Variants in CEP126 observed in about 807,000 individuals in gnomAD.
CEP126 encodes the protein centrosomal protein of 126 kDa.
In CEP126, 74 loss-of-function variants were observed where a neutral mutation model predicts 107.8. The observed-to-expected ratio is 0.69, with a 90% CI of 0.57 to 0.83. The LOEUF (loss-of-function observed/expected upper bound fraction) is 0.83. Among genes scored for constraint, CEP126 ranks in the 40% least tolerant of loss-of-function variants. CEP126 has a pLI of 0.00. For synonymous variants in CEP126, 449 were observed against 446.0 expected (o/e 1.01, Z -0.08); for missense variants, 1,237 against 1,281.9 (o/e 0.96, Z 0.53).
chr11:101,985,021 C>G (rs1292817242), intron 8 of CEP126, among the ~76,000 whole-genome samples: 6 of 152,258 alleles, frequency 3.9e-5, no homozygotes, highest in African/African-American at 1.2e-4. Context: ...GTGAAGGATA[C>G]ATCTTATTTT....
At chr11:101,931,751 G>A (rs1940503551) in intron 2 of CEP126, among the ~76,000 whole-genome samples, 1 of 152,132 alleles carries the variant, frequency 6.6e-6, no homozygotes, top group African/African-American at 2.4e-5. Flanking sequence ...TCAGTTCTAT[G>A]TTTGTCTCCT....
chr11:101,959,796 A>C (rs922970998), intron 5 of CEP126, among the ~76,000 whole-genome samples: 3 of 152,224 alleles, frequency 2.0e-5, no homozygotes, highest in African/African-American at 7.2e-5. Context: ...TCATTGCAGA[A>C]CAAAAGATTA....
At chr11:101,990,170 A>G (rs1941361535) in intron 9 of CEP126, among the ~76,000 whole-genome samples, 1 of 98,432 alleles carries the variant, frequency 1.0e-5, no homozygotes, top group African/African-American at 3.9e-5. Context: ...GGAACCTCAC[A>G]CCTACTCAGA....
At chr11:101,984,816 G>A (rs543488901) in intron 8 of CEP126, among the ~76,000 whole-genome samples, 11 of 152,258 alleles carry the variant, frequency 7.2e-5, no homozygotes, top group African/African-American at 2.4e-4. Context: ...TTGTGCCTCA[G>A]CTGCTTCTGA....
chr11:101,927,947 T>A (rs955436277), intron 2 of CEP126, among the ~76,000 whole-genome samples: 1 of 152,210 alleles, frequency 6.6e-6, no homozygotes, highest in Admixed American at 6.5e-5. Flanking sequence ...ATATGGTAGT[T>A]GCCCATTTAG....
rs1244636325 is a variant in CEP126 at position 101,922,726 on chromosome 11, C to T, written c.214C>T (p.Arg72Cys). 13 of 1,612,316 alleles carry T rather than the reference C, an allele frequency of 8.1e-6. No individual in the cohort carries two copies. The highest frequency in any genetic ancestry group is 3.3e-5 in the Admixed American group (2 of 59,960). Residue 72 changes from arginine (R) to cysteine (C), a missense_variant, in exon 2 of 11, where the codon CGT becomes TGT. Physicochemically the swap from Arg to Cys is radical, Grantham distance 180. Around this residue, in one of 3 missense-constraint regions of CEP126, gnomAD observed 1,134 missense variants for 1,150.5 expected, o/e 0.99. Transcript: ENST00000263468. ...ACAAAAAATATGTCGAAATCGAGCACGTAAATATTTTGTGGAGTCAAATCG... is the reference window on the plus strand; with the variant it reads ...ACAAAAAATATGTCGAAATCGAGCATGTAAATATTTTGTGGAGTCAAATCG... The part of the protein sequence containing the change: ...QQQKICRNRA[R>C]KYFVESNRRK...
In CEP126 at chr11:101,982,100, A is replaced by T. The variant is rs1941262676; in HGVS notation, c.3034+136A>T. ...AAACCTGAACTCTCCTCACCCCTGC[A>T]CATCCAGGTCATTGTCAGTGTTCCT... On this transcript the variant is annotated intron_variant, in intron 8 of 10. Coordinates refer to ENST00000263468, the MANE Select transcript of CEP126 (RefSeq NM_020802.4). The T allele has an allele frequency of 2.2e-5, 11 of 508,964 alleles. No individual in the cohort carries two copies. In the East Asian group the frequency reaches 3.6e-4, roughly 17 times the overall value. 31.5% of individuals were successfully genotyped at this position (508,964 alleles called of 1,614,324 possible). A position where few individuals can be genotyped will look rare whatever the true frequency, so the allele number is the denominator to read the frequency against.
chr11:101,962,958 C>G lies in CEP126; in HGVS notation c.1923C>G (p.Asn641Lys). The change falls in exon 6 of 11, where the codon AAC (asparagine) becomes AAG (lysine). Residue 641 changes from asparagine to lysine, a missense_variant. Asn to Lys is a moderately conservative substitution (Grantham distance 94). This residue lies in a region of CEP126 where 1,134 missense variants were observed against 1,150.5 expected (regional missense o/e 0.99). Transcript: ENST00000263468. ...TTGATGAAACTAGCAATATAGAAAA[C>G]AATGCTGAAAACAGTCATTCACTGA... ...RWFDETSNIENNAENSHSLKN... is the reference protein window; with the variant it reads ...RWFDETSNIEKNAENSHSLKN... 1 of 1,610,664 alleles carries G rather than the reference C, an allele frequency of 6.2e-7. No homozygotes were observed. The highest frequency in any genetic ancestry group is 1.3e-5 in the African/African-American group (1 of 74,780).
intron 6 of CEP126, among the ~76,000 whole-genome samples, chr11:101,965,374 T>C (rs904124076): frequency 6.6e-6 from 1 of 152,210 alleles, no homozygotes; most frequent in African/African-American, 2.4e-5. Flanking sequence ...GACATTTGTG[T>C]AATTCATCAC....
In CEP126 at chr11:101,915,265, A is replaced by T. The variant is rs368939235; in HGVS notation, c.-20A>T. 2 of 1,612,806 alleles carry T rather than the reference A, an allele frequency of 1.2e-6. No individual in the cohort carries two copies. The highest frequency in any genetic ancestry group is 2.7e-5 in the African/African-American group (2 of 75,060). ...AGGGAGGTTCTGGGGGCGAGCAGAC[A>T]GGCGGCGCTGAAGTGAAGGATGCTG... On this transcript the variant is annotated 5_prime_UTR_variant, in exon 1 of 11. Transcript: ENST00000263468.
chr11:101,948,856 A>T (rs1308417218), intron 4 of CEP126, among the ~76,000 whole-genome samples: 8 of 152,200 alleles, frequency 5.3e-5, no homozygotes. Context: ...ATAATATATA[A>T]AATTCATTTA....
chr11:101,968,776 G>T (rs903629798), intron 6 of CEP126, among the ~76,000 whole-genome samples: 9 of 152,116 alleles, frequency 5.9e-5, no homozygotes, highest in African/African-American at 1.7e-4. Context: ...TCAATTGAGA[G>T]AAATTTTGTA....
intron 5 of CEP126, among the ~76,000 whole-genome samples, chr11:101,959,452 C>T (rs1304810214): frequency 6.6e-6 from 1 of 152,062 alleles, no homozygotes; most frequent in Non-Finnish European, 1.5e-5. Context: ...CATGCCTGGC[C>T]AACACTTTCT....
In CEP126 at chr11:101,963,693, C is replaced by G. The variant is rs774738402; in HGVS notation, c.2658C>G (p.Phe886Leu). ...ATTGTTCTTCAGAGTGCCAAACTTTCGCAAAAATAAATCATTCAAATGGCA... is the reference window on the plus strand; with the variant it reads ...ATTGTTCTTCAGAGTGCCAAACTTTGGCAAAAATAAATCATTCAAATGGCA... ...PSYCSSECQT[F>L]AKINHSNGTQ... The change falls in exon 6 of 11, where the codon TTC becomes TTG. Residue 886 changes from phenylalanine (F) to leucine (L), a missense_variant. Physicochemically the swap from Phe to Leu is conservative, Grantham distance 22. This residue lies in a region of CEP126 where 1,134 missense variants were observed against 1,150.5 expected (regional missense o/e 0.99). Coordinates refer to ENST00000263468, the MANE Select transcript of CEP126 (RefSeq NM_020802.4). The G allele has an allele frequency of 6.2e-7, 1 of 1,613,910 alleles. No homozygotes were observed. The highest frequency in any genetic ancestry group is 1.3e-5 in the African/African-American group (1 of 74,888).
intron 6 of CEP126, among the ~76,000 whole-genome samples, chr11:101,967,448 T>A (rs1312321596): frequency 1.3e-5 from 2 of 152,216 alleles, no homozygotes; most frequent in Non-Finnish European, 2.9e-5. Context: ...TGCCTTCTTC[T>A]AAGTAGCAGA....
chr11:101,923,512 A>G (rs1940363429), intron 2 of CEP126, among the ~76,000 whole-genome samples: 1 of 152,200 alleles, frequency 6.6e-6, no homozygotes, highest in Non-Finnish European at 1.5e-5. Context: ...TTTATTAACT[A>G]CATCACTGGG....
At chr11:101,916,782 A>T (rs900096922) in intron 1 of CEP126, among the ~76,000 whole-genome samples, 3 of 152,130 alleles carry the variant, frequency 2.0e-5, no homozygotes, top group Non-Finnish European at 4.4e-5. Flanking sequence ...TGTAGGCCTC[A>T]TTTTTTAAAT....
chr11:101,935,102 T>G (rs1199301855), intron 2 of CEP126, among the ~76,000 whole-genome samples: 3 of 151,916 alleles, frequency 2.0e-5, no homozygotes, highest in Non-Finnish European at 2.9e-5. Context: ...TAAATTGAGT[T>G]TAGTTTTCAC....
intron 2 of CEP126, among the ~76,000 whole-genome samples, chr11:101,923,662 G>T (rs77113211): frequency 1.3e-3 from 198 of 152,116 alleles, no homozygotes; most frequent in African/African-American, 4.5e-3. Flanking sequence ...ATTTTATTTT[G>T]TATGCATAGG....
Sources: allele counts gnomAD v4.1 joint callset (sites outside exome capture counted in the v4.1 genomes callset), GRCh38; gene constraint gnomAD v4.1.1; regional missense constraint gnomAD v4.1.1; transcripts MANE v1.5; gene names NCBI Gene and HGNC (gene_info 2026-07-23, HGNC 2026-07-21).